The following GNG12 variants were observed in gnomAD, a reference collection of about 807,000 sequenced individuals.
GNG12 encodes guanine nucleotide-binding protein G(I)/G(S)/G(O) subunit gamma-12.
For missense variants in GNG12, 69 were observed against 83.8 expected (o/e 0.82, Z 0.69); for synonymous variants, 28 against 29.7 (o/e 0.94, Z 0.19).
intron 2 of GNG12, among the ~76,000 whole-genome samples, chr1:67,749,109 G>A (rs1417008209): frequency 6.6e-6 from 1 of 152,152 alleles, no homozygotes. Context: ...GAATAAAGCA[G>A]AAGGTCTACA....
intron 1 of GNG12, among the ~76,000 whole-genome samples, chr1:67,811,443 A>T (rs1646925405): frequency 6.6e-6 from 1 of 152,186 alleles, no homozygotes; most frequent in African/African-American, 2.4e-5. Context: ...CATAATTACA[A>T]GGCAAACCCT....
chr1:67,808,321 T>C (rs967271808), intron 1 of GNG12, among the ~76,000 whole-genome samples: 2 of 152,070 alleles, frequency 1.3e-5, no homozygotes, highest in African/African-American at 4.8e-5. Context: ...CTCAACTTGA[T>C]AAAGAACATC....
At position 67,818,647 on chromosome 1, in the gene GNG12, G is replaced by C. The variant is rs1387663459; in HGVS notation, c.-77+14697C>G. Among the ~76,000 whole-genome samples the C allele has an allele frequency of 3.3e-5, 5 of 152,028 alleles. No homozygotes were observed. The East Asian group carries it at 9.6e-4, about 29-fold the overall frequency. On this transcript the variant is annotated intron_variant, in intron 1 of 3. Transcript: ENST00000370982. ...CTGTCTGCTGATCAAGCTTTGCCTG[G>C]CACTGAGAAAGGTGGAGGTAGGAGC... is the stretch of plus-strand genomic sequence containing the variant.
At chr1:67,769,609 C>T (rs1463100591) in intron 2 of GNG12, among the ~76,000 whole-genome samples, 2 of 152,176 alleles carry the variant, frequency 1.3e-5, no homozygotes, top group Non-Finnish European at 2.9e-5. Context: ...CAAATACTAG[C>T]TTTCTGCTGG....
intron 1 of GNG12, among the ~76,000 whole-genome samples, chr1:67,808,636 TG>T (rs1646906736): frequency 6.6e-6 from 1 of 152,144 alleles, no homozygotes; most frequent in African/African-American, 2.4e-5. Context: ...AAAAGTCAAC[TG>T]CTTTCCTATA....
intron 2 of GNG12, among the ~76,000 whole-genome samples, chr1:67,760,947 G>A (rs1212343528): frequency 6.6e-6 from 1 of 152,192 alleles, no homozygotes; most frequent in Non-Finnish European, 1.5e-5. Flanking sequence ...CCTATAATGG[G>A]GGTGCGATTA....
Position 67,741,711 on chromosome 1 carries a change from T to TA in GNG12, c.-26-34000dup, listed in dbSNP as rs1187131770. On this transcript the variant is annotated intron_variant, in intron 2 of 3. Transcript: ENST00000370982. ...AAGCTCTAGAATTGGATCAAGGAAG[T>TA]AAAGTCTAAGTCAAAAGTCCCAAAT... Among the ~76,000 whole-genome samples the TA allele has an allele frequency of 2.6e-5, 4 of 152,242 alleles. No homozygotes were observed. The East Asian group carries it at 7.7e-4, about 29-fold the overall frequency.
At chr1:67,753,155 G>C (rs903638512) in intron 2 of GNG12, among the ~76,000 whole-genome samples, 3 of 152,148 alleles carry the variant, frequency 2.0e-5, no homozygotes, top group Admixed American at 1.3e-4. Flanking sequence ...TGGGTGTTTG[G>C]TAATTATGTT....
intron 1 of GNG12, among the ~76,000 whole-genome samples, chr1:67,820,666 T>C (rs1646979939): frequency 6.6e-6 from 1 of 152,230 alleles, no homozygotes; most frequent in Non-Finnish European, 1.5e-5. Context: ...GACCACTCAC[T>C]ACTGTGCCTA....
intron 2 of GNG12, among the ~76,000 whole-genome samples, chr1:67,733,407 G>A (rs12085997): frequency 0.09 from 13,613 of 151,980 alleles, 625 homozygotes; most frequent in Admixed American, 0.11. Context: ...ATCCTCTTCT[G>A]GCCTTTGCAA....
chr1:67,761,851 C>T (rs1007739778), intron 2 of GNG12, among the ~76,000 whole-genome samples: 34 of 152,040 alleles, frequency 2.2e-4, no homozygotes, highest in African/African-American at 7.5e-4. Context: ...AGTGATCCTG[C>T]AAATGGGAAA....
At chr1:67,791,397 A>G (rs546116116) in intron 1 of GNG12, among the ~76,000 whole-genome samples, 1 of 152,104 alleles carries the variant, frequency 6.6e-6, no homozygotes. Context: ...TGAACGTCAG[A>G]CTTACTTGTC....
chr1:67,826,675 T>C (rs2100829156), intron 1 of GNG12, among the ~76,000 whole-genome samples: 1 of 152,356 alleles, frequency 6.6e-6, no homozygotes, highest in Middle Eastern at 3.4e-3. Context: ...CTTGGTATGA[T>C]GATGTTATCT....
chr1:67,830,379 A>T (rs965142849), intron 1 of GNG12, among the ~76,000 whole-genome samples: 1 of 152,240 alleles, frequency 6.6e-6, no homozygotes, highest in Non-Finnish European at 1.5e-5. Flanking sequence ...TTCCTGAATT[A>T]ACTGAACACC....
At chr1:67,719,681 C>A (rs1163522593) in intron 2 of GNG12, among the ~76,000 whole-genome samples, 1 of 152,162 alleles carries the variant, frequency 6.6e-6, no homozygotes, top group African/African-American at 2.4e-5. Flanking sequence ...TGTGCAGATA[C>A]TAATTCATTT....
At chr1:67,731,141 G>A (rs990470940) in intron 2 of GNG12, among the ~76,000 whole-genome samples, 6 of 151,732 alleles carry the variant, frequency 4.0e-5, no homozygotes, top group African/African-American at 1.5e-4. Flanking sequence ...TCCCCTCTCT[G>A]ACTTCCCCCT....
chr1:67,752,184 A>G (rs186971466), intron 2 of GNG12, among the ~76,000 whole-genome samples: 1 of 152,002 alleles, frequency 6.6e-6, no homozygotes, highest in East Asian at 1.9e-4. Context: ...TCTAACGTAT[A>G]CTCCTTCACT....
Position 67,704,544 on chromosome 1 carries a change from AATC to A in GNG12, c.*904_*906del, listed in dbSNP as rs1161997789. ...GCTCATGTTCACTCCGTTTCATTCC[AATC>A]ATCAGGGTGGAGATTTCAGAGGTGC... On this transcript the variant is annotated 3_prime_UTR_variant, in exon 4 of 4. Coordinates refer to ENST00000370982, the MANE Select transcript of GNG12 (RefSeq NM_018841.6). 6.6e-6 allele frequency: 1 copy of A among 152,566 alleles called. No individual in the cohort carries two copies. The highest frequency in any genetic ancestry group is 1.5e-5 in the Non-Finnish European group (1 of 68,040). 9.5% of individuals were successfully genotyped at this position (152,566 alleles called of 1,614,324 possible).
rs1046790622 is a variant in GNG12 at position 67,705,316 on chromosome 1, A to C, written c.*135T>G. On this transcript the variant is annotated 3_prime_UTR_variant, in exon 4 of 4. Coordinates refer to ENST00000370982, the MANE Select transcript of GNG12 (RefSeq NM_018841.6). The stretch of plus-strand genomic sequence containing the variant: ...GGACAACTTGGAAAATAGAGACTTC[A>C]GAGTCCATTATTCCAAGCTGAGAAC... 119 of 1,360,630 alleles carry C rather than the reference A, an allele frequency of 8.7e-5. 1 individual carries two copies. The highest frequency in any genetic ancestry group is 1.1e-4 in the Non-Finnish European group (114 of 1,020,882). 84.3% of individuals were successfully genotyped at this position (1,360,630 alleles called of 1,614,324 possible).
Sources: allele counts gnomAD v4.1 joint callset (sites outside exome capture counted in the v4.1 genomes callset), GRCh38; gene constraint gnomAD v4.1.1; transcripts MANE v1.5; gene names NCBI Gene and HGNC (gene_info 2026-07-23, HGNC 2026-07-21).